TRIM16: variants seen among roughly 807,000 people sequenced by gnomAD.
TRIM16 encodes the protein tripartite motif-containing protein 16.
Under a neutral mutation model 50.4 loss-of-function variants are expected in TRIM16, and 33 were observed. The observed-to-expected ratio is 0.65, with a 90% confidence interval of 0.50 to 0.88. TRIM16 has a LOEUF of 0.88. Ranked by LOEUF, TRIM16 falls within the 40% of genes least tolerant of loss-of-function variation. TRIM16 has a pLI of 0.00. For synonymous variants in TRIM16, 229 were observed against 270.7 expected (o/e 0.85, Z 1.51); for missense variants, 581 against 686.8 (o/e 0.85, Z 1.72).
chr17:15,665,559 G>A (rs527572438), intron 6 of TRIM16, among the ~76,000 whole-genome samples: 24 of 152,194 alleles, frequency 1.6e-4, no homozygotes, highest in African/African-American at 4.3e-4. Flanking sequence ...ATAATGTATC[G>A]GGAAACCAGA....
intron 8 of TRIM16, among the ~76,000 whole-genome samples, chr17:15,639,329 A>G (rs1987011063): frequency 6.8e-6 from 1 of 147,772 alleles, no homozygotes; most frequent in African/African-American, 2.5e-5. Flanking sequence ...TACAGGTGTT[A>G]TTACAGGTGG....
chr17:15,636,677 C>A (rs1986764016), intron 8 of TRIM16, among the ~76,000 whole-genome samples: 1 of 139,524 alleles, frequency 7.2e-6, no homozygotes, highest in African/African-American at 2.7e-5. Context: ...GCTTTCTTAG[C>A]ATTTCATTAT....
intron 7 of TRIM16, among the ~76,000 whole-genome samples, chr17:15,648,252 C>G (rs942958508): frequency 7.2e-6 from 1 of 139,002 alleles, no homozygotes; most frequent in African/African-American, 3.1e-5. Flanking sequence ...AAAAAACAAA[C>G]AAACAAACAA....
chr17:15,678,953 G>A (rs1177412250), intron 4 of TRIM16, among the ~76,000 whole-genome samples: 1 of 146,636 alleles, frequency 6.8e-6, no homozygotes, highest in Non-Finnish European at 1.5e-5. Context: ...TCGGCTTACC[G>A]CAACCTCCAT....
chr17:15,650,646 A>G (rs1435843690), intron 7 of TRIM16, among the ~76,000 whole-genome samples: 1 of 152,178 alleles, frequency 6.6e-6, no homozygotes, highest in African/African-American at 2.4e-5. Context: ...AGAAACTGGG[A>G]GAAAGAGTTG....
intron 7 of TRIM16, among the ~76,000 whole-genome samples, chr17:15,649,977 T>C (rs1341610872): frequency 6.6e-6 from 1 of 152,142 alleles, no homozygotes; most frequent in Non-Finnish European, 1.5e-5. Context: ...CTCCCTACCC[T>C]GGGAACACTG....
Position 15,628,667 on chromosome 17 carries a change from A to G in TRIM16, c.1643T>C (p.Leu548Pro). The change falls in exon 12 of 12, where the codon CTG becomes CCG. Residue 548 changes from leucine (L) to proline (P), a missense_variant. By Grantham distance (98) the Leu-to-Pro change is moderately conservative. Around this residue, in one of 3 missense-constraint regions of TRIM16, gnomAD observed 16 missense variants for 35.8 expected, o/e 0.45. Coordinates refer to ENST00000649191, the MANE Select transcript of TRIM16 (RefSeq NM_001348119.1). Reference protein sequence around the residue: ...KKENAIRIVDLGEEPEKPAPS... With the variant: ...KKENAIRIVDPGEEPEKPAPS... ...TGCTGGCTTCTCGGGTTCCTCTCCCAGATCTACAATCCGGATGGCGTTTTC... is the reference window on the plus strand; with the variant it reads ...TGCTGGCTTCTCGGGTTCCTCTCCCGGATCTACAATCCGGATGGCGTTTTC... The G allele has an allele frequency of 1.2e-6, 2 of 1,614,114 alleles. No homozygotes were observed. Among genetic ancestry groups the G allele is most frequent in the Non-Finnish European group, 1.7e-6 (2 of 1,179,998 alleles).
rs548471235 is a variant in TRIM16, at chr17:15,680,979, C to A, written c.-678-26G>T. The A allele has an allele frequency of 1.6e-5, 23 of 1,432,734 alleles. No individual in the cohort carries two copies. The African/African-American group carries it at 1.7e-4, about 11-fold the overall frequency. The allele number at this position is 1,432,734 out of a possible 1,614,324, so 88.8% of individuals were successfully genotyped here. On this transcript the variant is annotated intron_variant, in intron 3 of 11. Coordinates refer to ENST00000649191, the MANE Select transcript of TRIM16 (RefSeq NM_001348119.1). ...CTGGAAGGAAATTGACATAAAGGAA[C>A]CTGGTTTATCTTTATGTATCTCAAA...
chr17:15,637,151 C>T (rs1232115346), intron 8 of TRIM16, among the ~76,000 whole-genome samples: 1 of 142,236 alleles, frequency 7.0e-6, no homozygotes, highest in African/African-American at 2.7e-5. Context: ...CGGCCAGCCG[C>T]CCCATCCGGG....
chr17:15,683,357 C>T (rs1436443059), intron 1 of TRIM16, 200 bp from the exon 2 acceptor site: 1 of 486,772 alleles, frequency 2.1e-6, no homozygotes. Context: ...CACTAGGGCC[C>T]TGCAGAGTCA....
chr17:15,652,557 G>C (rs1041453581), intron 6 of TRIM16, among the ~76,000 whole-genome samples: 1 of 138,828 alleles, frequency 7.2e-6, no homozygotes, highest in African/African-American at 2.8e-5. Context: ...CCGCCTCCTG[G>C]GTTTGTGATT....
chr17:15,650,940 A>G (rs1048406998), intron 7 of TRIM16, 151 bp downstream of exon 7: 9 of 1,141,136 alleles, frequency 7.9e-6, no homozygotes, highest in Middle Eastern at 6.0e-4. Context: ...GTATATTTAC[A>G]CTGACCCAGC....
At chr17:15,654,079 A>G (rs373983261) in intron 6 of TRIM16, among the ~76,000 whole-genome samples, 1 of 152,300 alleles carries the variant, frequency 6.6e-6, no homozygotes, top group African/African-American at 2.4e-5. Context: ...TACACTCCCT[A>G]TGGCTCTGCA....
At chr17:15,657,672 A>ATAAT (rs1413932115) in intron 6 of TRIM16, among the ~76,000 whole-genome samples, 1 of 152,200 alleles carries the variant, frequency 6.6e-6, no homozygotes, top group Non-Finnish European at 1.5e-5. Context: ...TTCACTTGGC[A>ATAAT]TAATGTCTTC....
rs138524166 is a variant in TRIM16, at chr17:15,651,258, G to A, written c.352C>T (p.Leu118=). The part of the protein sequence containing the change: ...HQVNIKLQSH[L]LTEPVKDHNW... ...TGGTCCTTCACTGGCTCGGTCAGCAGGTGGCTTTGCAGTTTGATGTTCACC... is the reference window on the plus strand; with the variant it reads ...TGGTCCTTCACTGGCTCGGTCAGCAAGTGGCTTTGCAGTTTGATGTTCACC... Residue 118 remains leucine, a synonymous_variant, in exon 7 of 12, where the codon CTG becomes TTG. Coordinates refer to ENST00000649191, the MANE Select transcript of TRIM16 (RefSeq NM_001348119.1). 2.2e-4 allele frequency: 357 copies of A among 1,614,238 alleles called. No homozygotes were observed. In the African/African-American group the frequency reaches 4.2e-3, roughly 19 times the overall value.
chr17:15,666,178 C>T (rs890117517), intron 6 of TRIM16, among the ~76,000 whole-genome samples: 12 of 152,246 alleles, frequency 7.9e-5, no homozygotes, highest in East Asian at 1.9e-4. Flanking sequence ...AGAATTCCTA[C>T]ATCTACTCAT....
intron 6 of TRIM16, among the ~76,000 whole-genome samples, chr17:15,656,389 C>T (rs1171736717): frequency 6.6e-6 from 1 of 152,196 alleles, no homozygotes; most frequent in East Asian, 1.9e-4. Context: ...TCGGATTCTG[C>T]TTTGCTCCTT....
At position 15,677,220 on chromosome 17, in the gene TRIM16, C is replaced by T. The variant is rs1663383916; in HGVS notation, c.-382G>A. ...CACCTCTCCCTCCTGCATTTGTGTT[C>T]GTGGGCTTACCACTTCTTCCAACTA... On this transcript the variant is annotated 5_prime_UTR_variant, in exon 6 of 12. Transcript: ENST00000649191. The T allele has an allele frequency of 1.0e-5, 10 of 985,352 alleles. No individual in the cohort carries two copies. The highest frequency in any genetic ancestry group is 4.7e-5 in the South Asian group (1 of 21,282). 61.0% of individuals were successfully genotyped at this position (985,352 alleles called of 1,614,324 possible). A position where few individuals can be genotyped will look rare whatever the true frequency, so the allele number is the denominator to read the frequency against.
At chr17:15,642,955 CGGGAGGCACGAA>C (rs1412997773) in intron 7 of TRIM16, 139 bp from the exon 8 acceptor site, 1 of 446,706 alleles carries the variant, frequency 2.2e-6, no homozygotes, top group Non-Finnish European at 3.2e-6. Flanking sequence ...AGAAACCAGC[CGGGAGGCACGAA>C]GGGTTGGCGG....
Sources: gnomAD v4.1 joint callset for allele counts (sites outside exome capture counted in the v4.1 genomes callset) on GRCh38, gnomAD v4.1.1 for gene constraint, gnomAD v4.1.1 regional missense constraint, MANE v1.5 for transcripts, NCBI Gene and HGNC (gene_info 2026-07-23, HGNC 2026-07-21) for gene names.